The following MCRS1 variants were observed in gnomAD, a reference collection of about 807,000 sequenced individuals.
MCRS1 encodes microspherule protein 1.
Under a neutral mutation model 62.9 loss-of-function variants are expected in MCRS1, and 22 were observed. The observed-to-expected ratio is 0.35, with a 90% CI of 0.25 to 0.50. MCRS1 has a LOEUF of 0.50. Among genes scored for constraint, MCRS1 ranks in the 20% least tolerant of loss-of-function variants. MCRS1 has a pLI of 0.98. For missense variants in MCRS1, 456 were observed against 601.1 expected (o/e 0.76, Z 2.52); for synonymous variants, 244 against 233.5 (o/e 1.04, Z -0.41).
intron 4 of MCRS1, 199 bp from the exon 5 acceptor site, chr12:49,565,094 T>C (rs1317752478): frequency 2.0e-6 from 2 of 985,436 alleles, no homozygotes; most frequent in Non-Finnish European, 2.4e-6. Flanking sequence ...TACTTCTATA[T>C]AGTCCTTGAC....
At chr12:49,565,347 G>A (rs1939000103) in intron 4 of MCRS1, 182 bp downstream of exon 4, 9 of 985,408 alleles carry the variant, frequency 9.1e-6, no homozygotes, top group Non-Finnish European at 1.1e-5. Context: ...GGTGGGGGCT[G>A]CAGCAAGAAA....
In MCRS1 at chr12:49,564,474, C is replaced by T. The variant is rs1352684996; in HGVS notation, c.557+7G>A. 4 of 1,607,544 alleles carry T rather than the reference C, an allele frequency of 2.5e-6. No homozygotes were observed. In the Admixed American group the frequency reaches 6.7e-5, roughly 27 times the overall value. On this transcript the variant is annotated splice_region_variant and intron_variant, in intron 6 of 14. Transcript: ENST00000343810. Reference sequence around the variant, plus strand: ...CCTCCCCACTGCTGGAACCAGCTCCCACTCACTTGGAGATGACAGGATCGT... The same window carrying T: ...CCTCCCCACTGCTGGAACCAGCTCCTACTCACTTGGAGATGACAGGATCGT...
In MCRS1 at chr12:49,559,545, G is replaced by A. The variant is rs764340496; in HGVS notation, c.1004-10C>T. 5.0e-6 allele frequency: 8 copies of A among 1,608,648 alleles called. No individual in the cohort carries two copies. The East Asian group carries it at 1.8e-4, about 36-fold the overall frequency. ...TCCGGAGAGCTCATGCCTGGGAGAA[G>A]AGGGAGTTTGGAAGAGCCTACCCCT... is the stretch of plus-strand genomic sequence containing the variant. On this transcript the variant is annotated splice_polypyrimidine_tract_variant and intron_variant, in intron 11 of 14. Transcript: ENST00000343810. The surrounding 1 kb of genome is among the most constrained non-coding windows in gnomAD (Gnocchi z 5.2).
In MCRS1 at chr12:49,566,135, G is replaced by A; in HGVS notation, c.91C>T (p.Gln31Ter). The A allele has an allele frequency of 6.2e-7, 1 of 1,614,208 alleles. No homozygotes were observed. The highest frequency in any genetic ancestry group is 8.5e-7 in the Non-Finnish European group (1 of 1,180,038). ...RSEDEESLAG[Q>*]KRASSQALGT... ...AAGGCCTGGGAGGAGGCTCGCTTCT[G>A]CCCTGCCAGTGACTCCTCATCCTCT... The change falls in exon 3 of 15, where the codon CAG becomes TAG. Residue 31 changes from glutamine to a stop codon, truncating the protein, a stop_gained. Transcript: ENST00000343810. LOFTEE classifies it high-confidence loss of function.
Position 49,558,749 on chromosome 12 carries a change from G to A in MCRS1, c.1303-20C>T, listed in dbSNP as rs555779526. 2.5e-6 allele frequency: 4 copies of A among 1,613,528 alleles called. No homozygotes were observed. Among genetic ancestry groups the A allele is most frequent in the Admixed American group, 1.7e-5 (1 of 60,012 alleles). Reference sequence around the variant, plus strand: ...GGCGATCTGGGTGGGAGACAAAGGTGGCTTAAGACAGAGGTGGCACCAGGA... The same window carrying A: ...GGCGATCTGGGTGGGAGACAAAGGTAGCTTAAGACAGAGGTGGCACCAGGA... On this transcript the variant is annotated intron_variant, in intron 14 of 14. Coordinates refer to ENST00000343810, the MANE Select transcript of MCRS1 (RefSeq NM_006337.5).
At chr12:49,560,133 C>G (rs994932872) in intron 9 of MCRS1, among the ~76,000 whole-genome samples, 162 bp downstream of exon 9, 3 of 152,184 alleles carry the variant, frequency 2.0e-5, no homozygotes, top group African/African-American at 7.2e-5. Flanking sequence ...AAGGGTAAAG[C>G]AGCGGAGCCT....
chr12:49,564,405 T>TA, intron 6 of MCRS1, 76 bp downstream of exon 6: 1 of 1,273,164 alleles, frequency 7.9e-7, no homozygotes. Flanking sequence ...GGGGCCCTGG[T>TA]ACAATTCCCT....
At chr12:49,564,650 A>G in intron 5 of MCRS1, 60 bp from the exon 6 acceptor site, 1 of 1,608,442 alleles carries the variant, frequency 6.2e-7, no homozygotes. Flanking sequence ...CTTCTTTGCC[A>G]CCCACAGGGC....
Position 49,564,900 on chromosome 12 carries a change from G to A in MCRS1, c.289-5C>T. 6.3e-7 allele frequency: 1 copy of A among 1,583,156 alleles called. No individual in the cohort carries two copies. Among genetic ancestry groups the A allele is most frequent in the Non-Finnish European group, 8.6e-7 (1 of 1,163,476 alleles). On this transcript the variant is annotated splice_region_variant and splice_polypyrimidine_tract_variant and intron_variant, in intron 4 of 14. Transcript: ENST00000343810. Reference sequence around the variant, plus strand: ...AGTGCTGGGGGCTTTGGATACCTGGGCAGAGGACAGGAACAAACCAAGCTC... The same window carrying A: ...AGTGCTGGGGGCTTTGGATACCTGGACAGAGGACAGGAACAAACCAAGCTC...
intron 8 of MCRS1, among the ~76,000 whole-genome samples, chr12:49,561,559 T>C (rs778279749): frequency 6.6e-6 from 1 of 152,248 alleles, no homozygotes; most frequent in Non-Finnish European, 1.5e-5. Flanking sequence ...ACAAAAACTC[T>C]TGAAGGAATA....
rs1380003927 is a variant in MCRS1, at chr12:49,562,992, G to A, written c.805+9C>T. On this transcript the variant is annotated intron_variant, in intron 8 of 14. Transcript: ENST00000343810. ...CACACCCCCATTCTGCCAGCTCCTGGGGCGTTACCTGTCTGGTCCTCCAGC... is the reference window on the plus strand; with the variant it reads ...CACACCCCCATTCTGCCAGCTCCTGAGGCGTTACCTGTCTGGTCCTCCAGC... 6.3e-7 allele frequency: 1 copy of A among 1,598,632 alleles called. No individual in the cohort carries two copies. The highest frequency in any genetic ancestry group is 8.5e-7 in the Non-Finnish European group (1 of 1,171,598).
At chr12:49,567,611 C>G (rs1175708202) in intron 1 of MCRS1, 1 of 152,232 alleles carries the variant, frequency 6.6e-6, no homozygotes, top group Non-Finnish European at 1.5e-5. Context: ...CCGAGCTTGC[C>G]GGCAAACTGA....
chr12:49,565,186 T>G lies in MCRS1; in HGVS notation c.289-291A>C, dbSNP rs946969598. 1.0e-5 allele frequency: 10 copies of G among 985,308 alleles called. No homozygotes were observed. In the Admixed American group the frequency reaches 5.5e-4, roughly 55 times the overall value. The allele number at this position is 985,308 out of a possible 1,614,324, so 61.0% of individuals were successfully genotyped here. On this transcript the variant is annotated intron_variant, in intron 4 of 14. Coordinates refer to ENST00000343810, the MANE Select transcript of MCRS1 (RefSeq NM_006337.5). ...GGGGAGGATACCGGGAAATCACTCT[T>G]GCTGGTGCAGTGTCTAGGGCCACAG...
Position 49,559,655 on chromosome 12 carries a change from C to T in MCRS1, c.1003+74G>A, listed in dbSNP as rs1938650377. 6.3e-7 allele frequency: 1 copy of T among 1,596,294 alleles called. No homozygotes were observed. Among genetic ancestry groups the T allele is most frequent in the South Asian group, 1.1e-5 (1 of 90,470 alleles). The stretch of plus-strand genomic sequence containing the variant: ...CCTGGGAAACGAGGGTCTCCCCAGC[C>T]AGGCAGCAACAGGGGCACAGGCTGG... On this transcript the variant is annotated intron_variant, in intron 11 of 14. Transcript: ENST00000343810. The surrounding 1 kb of genome is among the most constrained non-coding windows in gnomAD (Gnocchi z 5.2).
In MCRS1 at chr12:49,566,090, T is replaced by G. The variant is rs1565794098; in HGVS notation, c.136A>C (p.Arg46=). 2 of 1,613,970 alleles carry G rather than the reference T, an allele frequency of 1.2e-6. No individual in the cohort carries two copies. The highest frequency in any genetic ancestry group is 1.7e-6 in the Non-Finnish European group (2 of 1,179,906). The change falls in exon 3 of 15, where the codon AGA becomes CGA. Residue 46 remains arginine (R), a synonymous_variant. Transcript: ENST00000343810. ...AACCCTTACTACCTGGAGGAGCTTC[T>G]CCGTTTAGGGATGGTGCCCAAGGCC... ...SQALGTIPKR[R]SSSRFIKRKK...
rs1224311393 is a variant in MCRS1, at chr12:49,563,159, C to T, written c.667-20G>A. On this transcript the variant is annotated intron_variant, in intron 7 of 14. Transcript: ENST00000343810. ...GCTGGTCTAGAGGGCAAGAAACATT[C>T]TCTAGGCATCTGGGCTTTTTCACAC... is the stretch of plus-strand genomic sequence containing the variant. 3 of 1,552,052 alleles carry T rather than the reference C, an allele frequency of 1.9e-6. No homozygotes were observed. The highest frequency in any genetic ancestry group is 2.8e-5 in the African/African-American group (2 of 72,088).
chr12:49,565,460 T>C, intron 4 of MCRS1, 69 bp downstream of exon 4: 1 of 1,533,986 alleles, frequency 6.5e-7, no homozygotes, highest in East Asian at 2.3e-5. Context: ...TCTTGGCAGC[T>C]GGCAAAGGTT....
At position 49,566,795 on chromosome 12, in the gene MCRS1, T is replaced by A; in HGVS notation, c.-64A>T. On this transcript the variant is annotated 5_prime_UTR_variant, in exon 2 of 15. Transcript: ENST00000343810. ...GGCTAGGAGGAACGGTCCCACAGGC[T>A]CATCCAAGGATTCTGACCAGGTGAG... The A allele has an allele frequency of 6.3e-7, 1 of 1,596,888 alleles. No individual in the cohort carries two copies. The highest frequency in any genetic ancestry group is 8.6e-7 in the Non-Finnish European group (1 of 1,168,918).
chr12:49,565,205 G>A (rs1938992049), intron 4 of MCRS1: 1 of 985,430 alleles, frequency 1.0e-6, no homozygotes, highest in African/African-American at 1.7e-5. Flanking sequence ...AGTGTCTAGG[G>A]CCACAGCAAT....
Sources: allele counts gnomAD v4.1 joint callset (sites outside exome capture counted in the v4.1 genomes callset), GRCh38; gene constraint gnomAD v4.1.1; non-coding constraint Gnocchi (gnomAD v3.1); transcripts MANE v1.5; gene names NCBI Gene and HGNC (gene_info 2026-07-23, HGNC 2026-07-21).